LY86: variants seen among roughly 807,000 people sequenced by gnomAD.
LY86 encodes the protein MD-1, RP105-associated.
Under a neutral mutation model 17.3 loss-of-function variants are expected in LY86, and 20 were observed. The observed-to-expected ratio is 1.15, with a 90% CI of 0.81 to 1.68. The LOEUF (loss-of-function observed/expected upper bound fraction) is 1.68. Ranked by LOEUF, LY86 falls within the 40% of genes most tolerant of loss-of-function variation. The probability of loss-of-function intolerance (pLI) is 0.00; values close to 1 mark genes in which losing one functional copy is unlikely to be tolerated. For synonymous variants in LY86, 74 were observed against 70.6 expected, an observed-to-expected ratio of 1.05 and a Z score of -0.24; for missense variants, 200 against 191.9, an observed-to-expected ratio of 1.04 and a Z score of -0.25.
intron 1 of LY86, among the ~76,000 whole-genome samples, chr6:6,614,200 T>C (rs2294460): frequency 0.66 from 99,808 of 151,898 alleles, 33,121 homozygotes; most frequent in South Asian, 0.81. Flanking sequence ...ACACAATCCG[T>C]CCAAGTTCAC....
intron 3 of LY86, among the ~76,000 whole-genome samples, chr6:6,626,642 C>T (rs766822133): frequency 3.9e-5 from 6 of 152,118 alleles, no homozygotes; most frequent in Non-Finnish European, 8.8e-5. Context: ...TGAAATGACA[C>T]GTATGAGATG....
intron 4 of LY86, among the ~76,000 whole-genome samples, chr6:6,652,670 A>T (rs1374560841): frequency 6.6e-6 from 1 of 151,394 alleles, no homozygotes; most frequent in Non-Finnish European, 1.5e-5. Flanking sequence ...TAACTTACAA[A>T]CTCTGTGCCC....
In LY86 at chr6:6,626,490, G is replaced by T. The variant is rs937192057; in HGVS notation, c.352+69G>T. On this transcript the variant is annotated intron_variant, in intron 3 of 4. Transcript: ENST00000230568. ...AGATAAACTCGAACTTGCATCTGAGGCCAGGACGCCCAGACCAGAGCTCTG... is the reference window on the plus strand; with the variant it reads ...AGATAAACTCGAACTTGCATCTGAGTCCAGGACGCCCAGACCAGAGCTCTG... 1.6e-5 allele frequency: 25 copies of T among 1,569,558 alleles called. No individual in the cohort carries two copies. The African/African-American group carries it at 3.4e-4, about 21-fold the overall frequency.
chr6:6,621,006 G>A (rs901545379), intron 1 of LY86: 2 of 152,282 alleles, frequency 1.3e-5, no homozygotes, highest in African/African-American at 4.8e-5. Flanking sequence ...GGGGAGCAGG[G>A]GCAGTTTGGG....
At chr6:6,617,031 C>T (rs1275421296) in intron 1 of LY86, among the ~76,000 whole-genome samples, 2 of 152,230 alleles carry the variant, frequency 1.3e-5, no homozygotes. Flanking sequence ...TGCTAACGTC[C>T]AATCTTCCAT....
chr6:6,610,513 C>G (rs1457181743), intron 1 of LY86, among the ~76,000 whole-genome samples: 9 of 150,890 alleles, frequency 6.0e-5, no homozygotes, highest in Admixed American at 5.9e-4. Context: ...TGCTCAGTTC[C>G]TCCTTTTACA....
intron 1 of LY86, among the ~76,000 whole-genome samples, chr6:6,615,830 C>T (rs1242506008): frequency 6.6e-6 from 1 of 151,730 alleles, no homozygotes; most frequent in African/African-American, 2.4e-5. Context: ...AGTTTGATAC[C>T]AGCCTGGGCA....
intron 1 of LY86, among the ~76,000 whole-genome samples, chr6:6,609,933 C>T (rs1251568690): frequency 4.6e-5 from 7 of 151,838 alleles, no homozygotes; most frequent in Admixed American, 3.3e-4. Context: ...TTGCAAGAAA[C>T]GTTTGCACTG....
intron 1 of LY86, among the ~76,000 whole-genome samples, chr6:6,601,584 G>A (rs1207330529): frequency 6.6e-6 from 1 of 152,188 alleles, no homozygotes; most frequent in African/African-American, 2.4e-5. Flanking sequence ...GCCAGGCGCA[G>A]TGGTGGGCAC....
intron 1 of LY86, among the ~76,000 whole-genome samples, chr6:6,608,746 G>C (rs374955561): frequency 6.6e-6 from 1 of 152,236 alleles, no homozygotes; most frequent in Non-Finnish European, 1.5e-5. Context: ...AGGGCATAGC[G>C]TTGAGCCAGG....
At chr6:6,612,538 A>T (rs921289872) in intron 1 of LY86, among the ~76,000 whole-genome samples, 1 of 152,232 alleles carries the variant, frequency 6.6e-6, no homozygotes, top group East Asian at 1.9e-4. Context: ...CCAACCACAC[A>T]AAAGCAACGA....
In LY86 at chr6:6,612,262, C is replaced by T. The variant is rs142120971; in HGVS notation, c.137-12664C>T. ...TCCAGAGTTTATTCCTTCTGATGTT[C>T]AGATGTGTTCTGAGTTTCTTTCTCG... is the stretch of plus-strand genomic sequence containing the variant. On this transcript the variant is annotated intron_variant, in intron 1 of 4. Transcript: ENST00000230568. Among the ~76,000 whole-genome samples the T allele has an allele frequency of 2.7e-3, 409 of 152,258 alleles. 2 individuals carry two copies. The highest frequency in any genetic ancestry group is 9.6e-3 in the African/African-American group (399 of 41,574).
chr6:6,620,602 C>T (rs1444655902), intron 1 of LY86, among the ~76,000 whole-genome samples: 2 of 152,210 alleles, frequency 1.3e-5, no homozygotes, highest in Non-Finnish European at 2.9e-5. Context: ...GAGTCTGTGT[C>T]ATTGGATTTT....
chr6:6,649,535 G>A (rs1266792465), intron 3 of LY86, 90 bp from the exon 4 acceptor site: 1 of 793,266 alleles, frequency 1.3e-6, no homozygotes, highest in Non-Finnish European at 2.1e-6. Flanking sequence ...GCCAATAATT[G>A]TCACACATCT....
chr6:6,639,041 G>A (rs1762001590), intron 3 of LY86, among the ~76,000 whole-genome samples: 2 of 151,932 alleles, frequency 1.3e-5, no homozygotes, highest in African/African-American at 4.8e-5. Flanking sequence ...GTCCAACAAT[G>A]ATAGACTGGA....
chr6:6,614,713 G>T (rs1171299213), intron 1 of LY86, among the ~76,000 whole-genome samples: 1 of 151,920 alleles, frequency 6.6e-6, no homozygotes, highest in African/African-American at 2.4e-5. Flanking sequence ...GATCGTGCTT[G>T]GCAGAGAGTC....
At chr6:6,594,425 C>G (rs192385220) in intron 1 of LY86, among the ~76,000 whole-genome samples, 4 of 148,316 alleles carry the variant, frequency 2.7e-5, no homozygotes, top group Non-Finnish European at 6.0e-5. Flanking sequence ...CACAGCTGCA[C>G]CCATTCTTTT....
chr6:6,619,709 T>A (rs1248544610), intron 1 of LY86, among the ~76,000 whole-genome samples: 1 of 151,932 alleles, frequency 6.6e-6, no homozygotes, highest in Non-Finnish European at 1.5e-5. Context: ...GCTCTTAGAG[T>A]AATGTGGGCC....
intron 3 of LY86, among the ~76,000 whole-genome samples, chr6:6,642,764 C>T (rs543539802): frequency 6.6e-6 from 1 of 152,324 alleles, no homozygotes; most frequent in Non-Finnish European, 1.5e-5. Flanking sequence ...CTGGGCCTTC[C>T]CCATCTTCCA....
Sources: allele counts gnomAD v4.1 joint callset (sites outside exome capture counted in the v4.1 genomes callset), GRCh38; gene constraint gnomAD v4.1.1; transcripts MANE v1.5; gene names NCBI Gene and HGNC (gene_info 2026-07-23, HGNC 2026-07-21).